Variants in CEP164 observed in about 807,000 individuals in gnomAD.
The protein encoded by CEP164 is centrosomal protein of 164 kDa.
In CEP164, 162 loss-of-function variants were observed where a neutral mutation model predicts 182.7. The ratio of observed to expected loss-of-function variants is 0.89; its 90% CI spans 0.78 to 1.01. The LOEUF (loss-of-function observed/expected upper bound fraction) is 1.01, where lower values mean the gene tolerates loss of function less well. Among genes scored for constraint, CEP164 ranks in the 50% least tolerant of loss-of-function variants. The probability of loss-of-function intolerance (pLI) is 0.00; values close to 1 mark genes in which losing one functional copy is unlikely to be tolerated. For synonymous variants in CEP164, 661 were observed against 690.0 expected (o/e 0.96, Z 0.66); for missense variants, 1,735 against 1,790.4 (o/e 0.97, Z 0.56).
intron 1 of CEP164, among the ~76,000 whole-genome samples, chr11:117,329,820 G>C (rs920698788): frequency 6.7e-6 from 1 of 149,000 alleles, no homozygotes; most frequent in Non-Finnish European, 1.5e-5. Context: ...GATTACAGGC[G>C]TGAGCCACTG....
At chr11:117,378,586 G>C (rs1223864799) in intron 11 of CEP164, among the ~76,000 whole-genome samples, 1 of 152,224 alleles carries the variant, frequency 6.6e-6, no homozygotes, top group Non-Finnish European at 1.5e-5. Context: ...GTTAAGGAGA[G>C]GGAAATGGTA....
Position 117,381,817 on chromosome 11 carries a change from A to G in CEP164, c.1526A>G (p.Glu509Gly). The G allele has an allele frequency of 6.5e-7, 1 of 1,549,744 alleles. No individual in the cohort carries two copies. Among genetic ancestry groups the G allele is most frequent in the Non-Finnish European group, 8.7e-7 (1 of 1,146,854 alleles). ...CAGCCCGAGTGGAAGGAGGCAGAGG[A>G]GCTTGGGGAGGACTCTGCAGCCAGC... is the stretch of plus-strand genomic sequence containing the variant. ...EGQPEWKEAE[E>G]LGEDSAASLS... is the part of the protein sequence containing the mutation. Residue 509 changes from glutamate (E) to glycine (G), a missense_variant, in exon 13 of 33, where the codon GAG becomes GGG. By Grantham distance (98) the Glu-to-Gly change is moderately conservative (BLOSUM62 -2). Transcript: ENST00000278935.
intron 30 of CEP164, 108 bp downstream of exon 30, chr11:117,410,073 C>T (rs1025053643): frequency 4.7e-6 from 5 of 1,055,482 alleles, no homozygotes; most frequent in African/African-American, 1.6e-5. Context: ...TCCTCTTTTG[C>T]ATCCCTTTGC....
chr11:117,402,323 C>A (rs899118630), intron 27 of CEP164, among the ~76,000 whole-genome samples: 1 of 151,758 alleles, frequency 6.6e-6, no homozygotes, highest in South Asian at 2.1e-4. Context: ...CAGATTCAAG[C>A]GATTCTCCTG....
chr11:117,367,060 C>T (rs759973692), intron 8 of CEP164, among the ~76,000 whole-genome samples: 27 of 152,320 alleles, frequency 1.8e-4, no homozygotes, highest in Admixed American at 3.3e-4. Flanking sequence ...TGTGTTGAGA[C>T]TGAGGCCCCG....
chr11:117,358,726 G>C (rs1046144077), intron 5 of CEP164, among the ~76,000 whole-genome samples: 1 of 151,904 alleles, frequency 6.6e-6, no homozygotes, highest in Non-Finnish European at 1.5e-5. Flanking sequence ...TAGACATGGG[G>C]TCTTACTGTG....
intron 27 of CEP164, among the ~76,000 whole-genome samples, chr11:117,407,457 C>CAAAAA (rs1232486465): frequency 6.4e-4 from 44 of 68,622 alleles, no homozygotes; most frequent in East Asian, 2.6e-3. Context: ...TCTGTCTCTA[C>CAAAAA]AAAAAAAAAA....
At chr11:117,365,622 C>T (rs2041547486) in intron 8 of CEP164, among the ~76,000 whole-genome samples, 1 of 152,080 alleles carries the variant, frequency 6.6e-6, no homozygotes, top group Non-Finnish European at 1.5e-5. Flanking sequence ...TCTTGTCCCC[C>T]AGGCTGTAGT....
rs137987733 is a variant in CEP164, at chr11:117,375,787, G to A, written c.1313G>A (p.Arg438Gln). 1.8e-4 allele frequency: 298 copies of A among 1,613,844 alleles called. 1 individual carries two copies. Among genetic ancestry groups the A allele is most frequent in the South Asian group, 4.3e-4 (39 of 91,068 alleles). ...TCCCCAGTCCTGGGTGGAGCTTGTC[G>A]GCAGGTGAGTTTCTGTGGGTGGTGG... is the stretch of plus-strand genomic sequence containing the variant. The part of the protein sequence containing the change: ...VLSPVLGGAC[R>Q]QAQQPLGIED... Residue 438 changes from arginine (R) to glutamine (Q), a missense_variant, in exon 11 of 33, where the codon CGG (arginine) becomes CAG (glutamine). By Grantham distance (43) the Arg-to-Gln change is conservative. Transcript: ENST00000278935.
intron 28 of CEP164, chr11:117,408,558 T>C: frequency 2.8e-6 from 1 of 353,716 alleles, no homozygotes; most frequent in South Asian, 3.0e-5. Context: ...CTTGCCTCCC[T>C]CCCACCCTGC....
chr11:117,373,574 A>C (rs1039228053), intron 9 of CEP164, among the ~76,000 whole-genome samples, 177 bp from the exon 10 acceptor site: 5 of 152,234 alleles, frequency 3.3e-5, no homozygotes, highest in African/African-American at 9.6e-5. Flanking sequence ...GAGGCTGTGC[A>C]CATGTCCAGA....
chr11:117,332,994 G>C (rs2036450575), intron 1 of CEP164, among the ~76,000 whole-genome samples: 1 of 152,226 alleles, frequency 6.6e-6, no homozygotes, highest in African/African-American at 2.4e-5. Context: ...TGCCATGGCA[G>C]ATCTAAGGGC....
chr11:117,341,086 C>T (rs2038045270), intron 3 of CEP164, among the ~76,000 whole-genome samples: 1 of 152,198 alleles, frequency 6.6e-6, no homozygotes, highest in Non-Finnish European at 1.5e-5. Flanking sequence ...CTCGGCCTCC[C>T]AAAGTGCTGG....
intron 8 of CEP164, among the ~76,000 whole-genome samples, chr11:117,369,487 T>C (rs2041987757): frequency 6.6e-6 from 1 of 152,196 alleles, no homozygotes; most frequent in African/African-American, 2.4e-5. Flanking sequence ...GAAGCCTGGG[T>C]TAGCTTGTCA....
At position 117,338,527 on chromosome 11, in the gene CEP164, A is replaced by G. The variant is rs1591997416; in HGVS notation, c.-21-39A>G. 6 of 1,450,792 alleles carry G rather than the reference A, an allele frequency of 4.1e-6. No individual in the cohort carries two copies. The South Asian group carries it at 6.8e-5, about 17-fold the overall frequency. The allele number at this position is 1,450,792 out of a possible 1,614,324, so 89.9% of individuals were successfully genotyped here. A position where few individuals can be genotyped will look rare whatever the true frequency, so the allele number is the denominator to read the frequency against. On this transcript the variant is annotated intron_variant, in intron 2 of 32. Transcript: ENST00000278935. ...AACTTTTCCCCTGTTAAGCTTGGTCACTGATTTTTCTCTTTTGGTGGGGGC... is the reference window on the plus strand; with the variant it reads ...AACTTTTCCCCTGTTAAGCTTGGTCGCTGATTTTTCTCTTTTGGTGGGGGC...
chr11:117,392,695 G>C, intron 19 of CEP164, 68 bp downstream of exon 19: 1 of 1,562,724 alleles, frequency 6.4e-7, no homozygotes, highest in South Asian at 1.2e-5. Flanking sequence ...CAGCTGAGCC[G>C]GCCTAGCCTC....
At position 117,380,805 on chromosome 11, in the gene CEP164, G is replaced by C. The variant is rs2061293; in HGVS notation, c.1409+100G>C. 0.93 allele frequency: 988,193 copies of C among 1,067,780 alleles called. 457,909 individuals are homozygous for C. The highest frequency in any genetic ancestry group is 0.95 in the African/African-American group (60,513 of 63,810). 66.1% of individuals were successfully genotyped at this position (1,067,780 alleles called of 1,614,324 possible). On this transcript the variant is annotated intron_variant, in intron 12 of 32. Coordinates refer to ENST00000278935, the MANE Select transcript of CEP164 (RefSeq NM_014956.5). ...GGTGGCCGGCCTGGCTCAGTGTACA[G>C]TTGCTTGGCAGCAGGTGATGAACTG...
At chr11:117,386,820 G>C in intron 14 of CEP164, 1 of 213,484 alleles carries the variant, frequency 4.7e-6, no homozygotes, top group Non-Finnish European at 9.5e-6. Context: ...GAGCTCTAGC[G>C]GGGAGGTGGT....
At chr11:117,397,371 C>T (rs1256387749) in intron 27 of CEP164, 58 bp downstream of exon 27, 1 of 1,503,162 alleles carries the variant, frequency 6.7e-7, no homozygotes, top group Non-Finnish European at 9.0e-7. Flanking sequence ...GGGGAGTCAG[C>T]AAAACAGTCC....
Sources: allele counts gnomAD v4.1 joint callset (sites outside exome capture counted in the v4.1 genomes callset), GRCh38; gene constraint gnomAD v4.1.1; transcripts MANE v1.5; gene names NCBI Gene and HGNC (gene_info 2026-07-23, HGNC 2026-07-21).